Variants in SCAPER observed in about 807,000 individuals in gnomAD.
The protein encoded by SCAPER is S-phase cyclin A associated protein in the ER, also known as S phase cyclin A-associated protein in the endoplasmic reticulum.
In SCAPER, 98 loss-of-function variants were observed where a neutral mutation model predicts 182.2. The observed-to-expected ratio is 0.54, with a 90% confidence interval of 0.46 to 0.64. The LOEUF is 0.64. SCAPER is among the 30% of genes least tolerant of loss of function. The pLI, the probability that SCAPER is intolerant of heterozygous loss-of-function variation, is 0.00. For synonymous variants in SCAPER, 605 were observed against 564.6 expected (o/e 1.07, Z -1.01); for missense variants, 1,432 against 1,690.0 (o/e 0.85, Z 2.68).
chr15:76,754,114 T>C (rs2062262669), intron 14 of SCAPER, among the ~76,000 whole-genome samples, 166 bp from the exon 15 acceptor site: 1 of 152,044 alleles, frequency 6.6e-6, no homozygotes, highest in African/African-American at 2.4e-5. Flanking sequence ...CTACCTGAAT[T>C]CATAATCTAC....
At chr15:76,560,760 A>C (rs146409226) in intron 23 of SCAPER, among the ~76,000 whole-genome samples, 8 of 152,324 alleles carry the variant, frequency 5.3e-5, no homozygotes, top group African/African-American at 9.6e-5. Flanking sequence ...GTAGTATCAA[A>C]GAAAAGTGAA....
chr15:76,838,337 G>A (rs1475740938), intron 5 of SCAPER, among the ~76,000 whole-genome samples: 4 of 152,176 alleles, frequency 2.6e-5, no homozygotes, highest in African/African-American at 9.7e-5. Context: ...TTATAAGTGG[G>A]AGCTAAAGAT....
intron 20 of SCAPER, among the ~76,000 whole-genome samples, chr15:76,698,574 CTTCA>C (rs1438942626): frequency 6.6e-6 from 1 of 152,088 alleles, no homozygotes; most frequent in Admixed American, 6.5e-5. Context: ...TGGATACTTC[CTTCA>C]GGGTTTATGC....
intron 23 of SCAPER, among the ~76,000 whole-genome samples, chr15:76,548,835 A>G (rs1396573290): frequency 1.3e-5 from 2 of 152,362 alleles, no homozygotes; most frequent in South Asian, 2.1e-4. Flanking sequence ...CTAAAACCAT[A>G]AAAACCCTAG....
intron 27 of SCAPER, among the ~76,000 whole-genome samples, chr15:76,394,906 T>A (rs995164935): frequency 1.3e-5 from 2 of 152,212 alleles, no homozygotes; most frequent in Admixed American, 6.5e-5. Flanking sequence ...CTGACTATAG[T>A]CACCCTGTTG....
intron 27 of SCAPER, among the ~76,000 whole-genome samples, chr15:76,390,304 T>C (rs894735854): frequency 2.0e-5 from 3 of 152,122 alleles, no homozygotes; most frequent in African/African-American, 7.2e-5. Flanking sequence ...AAGTAACAGA[T>C]GATGAAAACG....
chr15:76,377,913 C>G (rs564973371), intron 28 of SCAPER, among the ~76,000 whole-genome samples: 5 of 152,354 alleles, frequency 3.3e-5, no homozygotes, highest in African/African-American at 1.2e-4. Flanking sequence ...TTTTCAGAAA[C>G]TCAGTCAGTT....
At chr15:76,747,522 A>C (rs766906776) in intron 15 of SCAPER, among the ~76,000 whole-genome samples, 9 of 151,898 alleles carry the variant, frequency 5.9e-5, no homozygotes, top group Non-Finnish European at 1.2e-4. Context: ...TATATATGTA[A>C]TCAATATGTG....
At chr15:76,739,938 A>C (rs1362125494) in intron 15 of SCAPER, among the ~76,000 whole-genome samples, 1 of 152,216 alleles carries the variant, frequency 6.6e-6, no homozygotes, top group Non-Finnish European at 1.5e-5. Flanking sequence ...AGGCCAAAGC[A>C]GGAGGATCAC....
intron 20 of SCAPER, among the ~76,000 whole-genome samples, chr15:76,687,683 A>T (rs1350830275): frequency 1.3e-5 from 2 of 152,134 alleles, no homozygotes; most frequent in African/African-American, 2.4e-5. Flanking sequence ...GAGTGAGAAC[A>T]TGCGGTGTTT....
chr15:76,359,977 A>C (rs2041284258), intron 29 of SCAPER, among the ~76,000 whole-genome samples: 1 of 152,184 alleles, frequency 6.6e-6, no homozygotes. Flanking sequence ...TTTTGGATTG[A>C]AGGCTTCAAT....
At chr15:76,788,632 A>G (rs888143102) in intron 8 of SCAPER, among the ~76,000 whole-genome samples, 12 of 152,222 alleles carry the variant, frequency 7.9e-5, no homozygotes, top group African/African-American at 2.9e-4. Context: ...TTATTTTAAA[A>G]TAAATATTAT....
At chr15:76,683,203 A>G (rs940598224) in intron 20 of SCAPER, among the ~76,000 whole-genome samples, 3 of 148,358 alleles carry the variant, frequency 2.0e-5, no homozygotes, top group Admixed American at 1.3e-4. Context: ...TCATTTTATG[A>G]AAAAAAAAAT....
chr15:76,829,226 TCTTA>T (rs2068253757), intron 5 of SCAPER, among the ~76,000 whole-genome samples: 1 of 152,152 alleles, frequency 6.6e-6, no homozygotes, highest in African/African-American at 2.4e-5. Context: ...TATTTTATGT[TCTTA>T]CTTACAAGTG....
intron 30 of SCAPER, among the ~76,000 whole-genome samples, chr15:76,351,781 G>A (rs963339322): frequency 6.6e-6 from 1 of 152,190 alleles, no homozygotes; most frequent in South Asian, 2.1e-4. Flanking sequence ...TAACACATAA[G>A]AGACCTTGAG....
chr15:76,637,742 A>ATATG (rs1414519401), intron 21 of SCAPER, among the ~76,000 whole-genome samples: 7 of 105,818 alleles, frequency 6.6e-5, no homozygotes, highest in African/African-American at 2.6e-4. Flanking sequence ...ATATATATAT[A>ATATG]TGTGTGTGTG....
At chr15:76,393,709 A>C (rs1300409450) in intron 27 of SCAPER, among the ~76,000 whole-genome samples, 2 of 152,210 alleles carry the variant, frequency 1.3e-5, no homozygotes, top group Admixed American at 1.3e-4. Flanking sequence ...GGTGAATAGA[A>C]TGTAGTGCAA....
intron 15 of SCAPER, among the ~76,000 whole-genome samples, chr15:76,750,344 GA>G (rs1453700317): frequency 6.6e-6 from 1 of 151,838 alleles, no homozygotes; most frequent in Non-Finnish European, 1.5e-5. Flanking sequence ...CTTTATGGGT[GA>G]ATTCTATCAA....
chr15:76,410,117 T>TA (rs1342767053), intron 26 of SCAPER, among the ~76,000 whole-genome samples: 1 of 152,138 alleles, frequency 6.6e-6, no homozygotes. Flanking sequence ...ACTTCTTTCT[T>TA]AAAGTACTAG....
Sources: gnomAD v4.1 joint callset for allele counts (sites outside exome capture counted in the v4.1 genomes callset) on GRCh38, gnomAD v4.1.1 for gene constraint, MANE v1.5 for transcripts, NCBI Gene and HGNC (gene_info 2026-07-23, HGNC 2026-07-21) for gene names.